The following ARB2A variants were observed in gnomAD, a reference collection of about 807,000 sequenced individuals.
ARB2A encodes ARB2 cotranscriptional regulator A.
At chr5:93,935,717 A>T in the ARB2A span, among the ~76,000 whole-genome samples, 3 of 152,326 alleles carry the variant, frequency 2.0e-5, no homozygotes, top group Middle Eastern at 3.4e-3. Flanking sequence ...TTATCTAAAA[A>T]TTTCACCAAA....
the ARB2A span, among the ~76,000 whole-genome samples, chr5:93,808,916 GC>G: frequency 6.6e-6 from 1 of 151,902 alleles, no homozygotes; most frequent in African/African-American, 2.4e-5. Flanking sequence ...AATTATGCCA[GC>G]AACTATAATA....
the ARB2A span, among the ~76,000 whole-genome samples, chr5:93,883,367 T>C: frequency 1.3e-5 from 2 of 151,614 alleles, no homozygotes; most frequent in African/African-American, 2.4e-5. Flanking sequence ...TAAAACACTT[T>C]ACACATTCTG....
the ARB2A span, among the ~76,000 whole-genome samples, chr5:93,976,725 C>T: frequency 1.1e-3 from 163 of 152,224 alleles, no homozygotes; most frequent in African/African-American, 3.8e-3. Context: ...AAACCCTTTC[C>T]TTTACAAATT....
At chr5:94,000,484 T>A in the ARB2A span, among the ~76,000 whole-genome samples, 1 of 152,120 alleles carries the variant, frequency 6.6e-6, no homozygotes, top group African/African-American at 2.4e-5. Context: ...TCTGTTGACA[T>A]CTTTGGCTCA....
the ARB2A span, chr5:93,804,818 TTA>T: frequency 8.2e-5 from 50 of 608,440 alleles, no homozygotes; most frequent in East Asian, 5.4e-3. Flanking sequence ...AGTAATCTTT[TTA>T]TGTTTAATTT....
chr5:93,803,461 C>G, the ARB2A span, among the ~76,000 whole-genome samples: 6 of 151,406 alleles, frequency 4.0e-5, no homozygotes, highest in East Asian at 2.0e-4. Context: ...ACCGCCCCCC[C>G]ACCCAAAAAG....
the ARB2A span, chr5:93,804,975 G>T: frequency 3.2e-5 from 31 of 983,290 alleles, no homozygotes; most frequent in Non-Finnish European, 3.7e-5. Context: ...GTCCTAGGTG[G>T]TGAGATATCA....
the ARB2A span, among the ~76,000 whole-genome samples, chr5:93,813,214 G>A: frequency 6.6e-6 from 1 of 152,190 alleles, no homozygotes; most frequent in Non-Finnish European, 1.5e-5. Flanking sequence ...AGATGAAAAT[G>A]AGAAACATGT....
the ARB2A span, among the ~76,000 whole-genome samples, chr5:94,042,121 T>C: frequency 6.6e-6 from 1 of 152,234 alleles, no homozygotes; most frequent in East Asian, 1.9e-4. Flanking sequence ...TAAAGTTAGA[T>C]GGAATAAAGC....
At chr5:94,057,915 G>C in the ARB2A span, among the ~76,000 whole-genome samples, 1 of 152,200 alleles carries the variant, frequency 6.6e-6, no homozygotes, top group African/African-American at 2.4e-5. Flanking sequence ...AAGGTGGCTG[G>C]ATTTGGAAGC....
chr5:93,628,669 C>A, the ARB2A span, among the ~76,000 whole-genome samples: 19 of 152,322 alleles, frequency 1.2e-4, no homozygotes, highest in African/African-American at 3.4e-4. Context: ...CTTTTATGTT[C>A]TGGAGATGGC....
At chr5:93,993,430 A>C in the ARB2A span, among the ~76,000 whole-genome samples, 1 of 152,188 alleles carries the variant, frequency 6.6e-6, no homozygotes, top group South Asian at 2.1e-4. Flanking sequence ...TTCAAATTAA[A>C]CCCACAGACA....
the ARB2A span, among the ~76,000 whole-genome samples, chr5:93,695,478 C>T: frequency 6.6e-6 from 1 of 152,290 alleles, no homozygotes; most frequent in Non-Finnish European, 1.5e-5. Context: ...ATCAAAACTA[C>T]AATGAGATAC....
At chr5:93,821,417 C>A in the ARB2A span, among the ~76,000 whole-genome samples, 19 of 152,140 alleles carry the variant, frequency 1.2e-4, no homozygotes, top group African/African-American at 4.1e-4. Flanking sequence ...GTGTAATGCA[C>A]TACTGGGACA....
the ARB2A span, among the ~76,000 whole-genome samples, chr5:93,896,932 TATTA>T: frequency 1.3e-5 from 2 of 152,026 alleles, no homozygotes; most frequent in African/African-American, 4.8e-5. Context: ...TTCCGCACAA[TATTA>T]ATTAAATAAA....
At chr5:93,942,494 T>C in the ARB2A span, among the ~76,000 whole-genome samples, 3 of 151,876 alleles carry the variant, frequency 2.0e-5, no homozygotes, top group Admixed American at 2.0e-4. Flanking sequence ...TTTTGAAATA[T>C]AAATTTCAGT....
chr5:93,702,201 T>A, the ARB2A span, among the ~76,000 whole-genome samples: 1 of 152,132 alleles, frequency 6.6e-6, no homozygotes, highest in Non-Finnish European at 1.5e-5. Context: ...GATTATCTGA[T>A]CCGAAGATAT....
At chr5:94,074,496 T>C in the ARB2A span, 3 of 567,088 alleles carry the variant, frequency 5.3e-6, no homozygotes, top group Non-Finnish European at 9.2e-6. Context: ...GATGCAGTAA[T>C]AGTTGCTGTG....
chr5:93,710,778 T>C, the ARB2A span, among the ~76,000 whole-genome samples: 2 of 152,232 alleles, frequency 1.3e-5, no homozygotes, highest in South Asian at 2.1e-4. Flanking sequence ...ATTTTTTCCC[T>C]TAATTTAAAT....
Sources: allele counts gnomAD v4.1 joint callset (sites outside exome capture counted in the v4.1 genomes callset), GRCh38; gene constraint gnomAD v4.1.1; transcripts MANE v1.5; gene names NCBI Gene and HGNC (gene_info 2026-07-23, HGNC 2026-07-21).